The following VPS53 variants were observed in gnomAD, a reference collection of about 807,000 sequenced individuals.
VPS53 encodes VPS53 subunit of GARP complex.
A neutral mutation model predicts 107.0 loss-of-function variants in VPS53; 70 were observed. That is an observed-to-expected ratio of 0.65 (90% CI 0.54 to 0.80). The LOEUF (loss-of-function observed/expected upper bound fraction) is 0.80, where lower values mean the gene tolerates loss of function less well. Among genes scored for constraint, VPS53 ranks in the 30% least tolerant of loss-of-function variants. The probability of loss-of-function intolerance (pLI) is 0.00; values close to 1 mark genes in which losing one functional copy is unlikely to be tolerated. For missense variants in VPS53, 917 were observed against 1,049.4 expected, an observed-to-expected ratio of 0.87 and a Z score of 1.74; for synonymous variants, 409 against 393.3, an observed-to-expected ratio of 1.04 and a Z score of -0.47.
chr17:632,843 T>C (rs777403321), intron 7 of VPS53: 4 of 448,010 alleles, frequency 8.9e-6, no homozygotes, highest in South Asian at 6.4e-5. Context: ...TTGGGTTTCC[T>C]GTTAACCCAG....
chr17:541,666 G>A (rs948663280), intron 17 of VPS53, among the ~76,000 whole-genome samples: 8 of 96,898 alleles, frequency 8.3e-5, no homozygotes, highest in East Asian at 3.6e-4. Flanking sequence ...CGCACCGGGC[G>A]CTGAAGGAAT....
intron 4 of VPS53, among the ~76,000 whole-genome samples, chr17:696,618 T>C (rs1009050779): frequency 3.9e-5 from 6 of 151,906 alleles, no homozygotes; most frequent in Non-Finnish European, 7.4e-5. Flanking sequence ...CAGAATCAAA[T>C]AAAAAGGGAA....
At chr17:537,273 A>G in intron 17 of VPS53, 97 bp from the exon 18 acceptor site, 3 of 1,388,474 alleles carry the variant, frequency 2.2e-6, no homozygotes, top group Non-Finnish European at 2.9e-6. Flanking sequence ...GTCAGGTCAC[A>G]GCTTTGGTAT....
chr17:654,534 C>G (rs1002316794), intron 6 of VPS53, among the ~76,000 whole-genome samples: 2 of 151,884 alleles, frequency 1.3e-5, no homozygotes, highest in Admixed American at 6.6e-5. Context: ...GTCAGGAGAT[C>G]GAGACCATCC....
At chr17:672,266 T>C (rs745729086) in intron 4 of VPS53, among the ~76,000 whole-genome samples, 86 of 151,230 alleles carry the variant, frequency 5.7e-4, no homozygotes, top group Non-Finnish European at 9.3e-4. Context: ...GCTGAGACGC[T>C]ATCCTTCTGG....
At chr17:690,693 C>T (rs1366001170) in intron 4 of VPS53, among the ~76,000 whole-genome samples, 1 of 152,142 alleles carries the variant, frequency 6.6e-6, no homozygotes, top group Non-Finnish European at 1.5e-5. Context: ...CCAAAAATCT[C>T]AGCAAATCCA....
chr17:624,445 C>T (rs532547243), intron 10 of VPS53, among the ~76,000 whole-genome samples: 2 of 152,296 alleles, frequency 1.3e-5, no homozygotes, highest in African/African-American at 2.4e-5. Flanking sequence ...CTCACTCAAA[C>T]GTTCCATCTC....
intron 17 of VPS53, among the ~76,000 whole-genome samples, chr17:548,687 T>TATAGA (rs1214172270): frequency 7.9e-5 from 12 of 152,256 alleles, no homozygotes; most frequent in Non-Finnish European, 1.6e-4. Flanking sequence ...CCCAGCAGGG[T>TATAGA]ATAGACTCCT....
chr17:656,786 G>A (rs908412997), intron 5 of VPS53: 45 of 1,283,750 alleles, frequency 3.5e-5, no homozygotes, highest in Middle Eastern at 1.8e-4. Flanking sequence ...TGTCACCCAC[G>A]GACCATTTCA....
At chr17:592,134 C>T (rs993099840) in intron 12 of VPS53, among the ~76,000 whole-genome samples, 2 of 152,146 alleles carry the variant, frequency 1.3e-5, no homozygotes, top group African/African-American at 4.8e-5. Context: ...ATCCCTTTAC[C>T]ATTAAGTAAT....
At chr17:636,840 T>C (rs920267982) in intron 7 of VPS53, among the ~76,000 whole-genome samples, 4 of 152,268 alleles carry the variant, frequency 2.6e-5, no homozygotes, top group African/African-American at 9.6e-5. Context: ...TGAGGATTTT[T>C]GTGCCAATGT....
At position 520,598 on chromosome 17, in the gene VPS53, C is replaced by A. The variant is rs1269785142; in HGVS notation, c.2224-668G>T. Among the ~76,000 whole-genome samples the A allele has an allele frequency of 6.6e-6, 1 of 152,220 alleles. No individual in the cohort carries two copies. Among genetic ancestry groups the A allele is most frequent in the Non-Finnish European group, 1.5e-5 (1 of 68,044 alleles). On this transcript the variant is annotated intron_variant, in intron 20 of 21. Coordinates refer to ENST00000437048, the MANE Select transcript of VPS53 (RefSeq NM_001128159.3). The surrounding 1 kb of genome is among the most constrained non-coding windows in gnomAD (Gnocchi z 4.4). The stretch of plus-strand genomic sequence containing the variant: ...TTCATTTCCGTTTTGTTCTGGAATG[C>A]AGTATCTGATTTTCTTTCCCCAGCC...
chr17:631,789 G>C (rs1028011989), intron 7 of VPS53, among the ~76,000 whole-genome samples, 161 bp from the exon 8 acceptor site: 2 of 151,912 alleles, frequency 1.3e-5, no homozygotes, highest in African/African-American at 4.8e-5. Context: ...GTGACAGGTT[G>C]ATGAGCAGGA....
chr17:658,431 G>T (rs976837001), intron 5 of VPS53, among the ~76,000 whole-genome samples: 2 of 144,210 alleles, frequency 1.4e-5, no homozygotes, highest in Non-Finnish European at 3.0e-5. Context: ...CCGTGAGTTC[G>T]TGGATAGATA....
intron 11 of VPS53, among the ~76,000 whole-genome samples, chr17:617,084 G>A (rs930967648): frequency 6.6e-6 from 1 of 152,186 alleles, no homozygotes; most frequent in Non-Finnish European, 1.5e-5. Flanking sequence ...TTTCCCGTCC[G>A]GTTATCTGGA....
rs1378592878 is a variant in VPS53 at position 524,633 on chromosome 17, C to T, written c.2086-2895G>A. On this transcript the variant is annotated intron_variant, in intron 19 of 21. Transcript: ENST00000437048. This position sits in a 1 kb window ranked among gnomAD's most constrained non-coding sequence, Gnocchi z 4.5. ...GAAAGGCATATGAAATGACACGCAA[C>T]CTGGTTAGTAACTGGGAAATGCAAA... is the stretch of plus-strand genomic sequence containing the variant. Among the ~76,000 whole-genome samples the T allele has an allele frequency of 6.6e-6, 1 of 152,222 alleles. No homozygotes were observed. The highest frequency in any genetic ancestry group is 1.9e-4 in the East Asian group (1 of 5,200).
intron 2 of VPS53, among the ~76,000 whole-genome samples, chr17:701,061 T>C (rs1212353499): frequency 6.6e-6 from 1 of 152,122 alleles, no homozygotes; most frequent in Non-Finnish European, 1.5e-5. Flanking sequence ...TGATGGCTCA[T>C]GCCTGTAATC....
intron 15 of VPS53, among the ~76,000 whole-genome samples, chr17:553,719 C>A (rs979092478): frequency 2.6e-5 from 4 of 151,680 alleles, no homozygotes; most frequent in African/African-American, 9.7e-5. Context: ...TACAGGCGTG[C>A]GCTACCACAC....
intron 4 of VPS53, among the ~76,000 whole-genome samples, chr17:694,414 A>ACACATCTATTATTT (rs1359933322): frequency 2.6e-5 from 4 of 152,188 alleles, no homozygotes; most frequent in Non-Finnish European, 5.9e-5. Context: ...AAACGTAAAT[A>ACACATCTATTATTT]ACTGAAAGAT....
Sources: allele counts gnomAD v4.1 joint callset (sites outside exome capture counted in the v4.1 genomes callset), GRCh38; gene constraint gnomAD v4.1.1; non-coding constraint Gnocchi (gnomAD v3.1); transcripts MANE v1.5; gene names NCBI Gene and HGNC (gene_info 2026-07-23, HGNC 2026-07-21).